Variants in PLCXD3 observed in about 807,000 individuals in gnomAD.
The protein encoded by PLCXD3 is PI-PLC X domain-containing protein 3.
PLCXD3 carries 19 observed loss-of-function variants against 25.5 expected under a neutral mutation model. That is an observed-to-expected ratio of 0.75 (90% CI 0.52 to 1.09). The LOEUF is 1.09. Ranked by LOEUF, PLCXD3 falls within the 50% of genes least tolerant of loss-of-function variation. PLCXD3 has a pLI of 0.00. For synonymous variants in PLCXD3, 174 were observed against 137.6 expected (o/e 1.26, Z -1.85); for missense variants, 411 against 388.1 (o/e 1.06, Z -0.50).
At chr5:41,499,206 G>A (rs1748900965) in intron 1 of PLCXD3, among the ~76,000 whole-genome samples, 1 of 151,268 alleles carries the variant, frequency 6.6e-6, no homozygotes, top group Non-Finnish European at 1.5e-5. Context: ...AGAAAAGGAA[G>A]TAGCAAAATT....
At chr5:41,381,476 A>G (rs1043786368) in intron 2 of PLCXD3, among the ~76,000 whole-genome samples, 1 of 152,086 alleles carries the variant, frequency 6.6e-6, no homozygotes, top group African/African-American at 2.4e-5. Flanking sequence ...GACACATGAG[A>G]AAATGGCATG....
intron 1 of PLCXD3, among the ~76,000 whole-genome samples, chr5:41,502,688 C>T (rs192676330): frequency 6.6e-6 from 1 of 151,976 alleles, no homozygotes; most frequent in Non-Finnish European, 1.5e-5. Context: ...TCACCCAAAC[C>T]GCGTAATTTC....
intron 1 of PLCXD3, among the ~76,000 whole-genome samples, chr5:41,495,050 A>G (rs370845045): frequency 7.5e-4 from 114 of 152,388 alleles, no homozygotes; most frequent in African/African-American, 2.4e-3. Flanking sequence ...TTCCTCTATG[A>G]TAAATCCTGC....
chr5:41,343,752 A>G lies in PLCXD3; in HGVS notation c.813-29982T>C, dbSNP rs146924806. On this transcript the variant is annotated intron_variant, in intron 2 of 2. Transcript: ENST00000377801. ...GAGGAGAATTCTGACATTTTTTCTGATCTTAATGAAAACGTGGTTTAATGT... is the reference window on the plus strand; with the variant it reads ...GAGGAGAATTCTGACATTTTTTCTGGTCTTAATGAAAACGTGGTTTAATGT... 9.2e-5 allele frequency among the ~76,000 whole-genome samples: 14 copies of G among 152,264 alleles called. No homozygotes were observed. In the East Asian group the frequency reaches 2.7e-3, roughly 29 times the overall value.
chr5:41,464,158 G>C (rs776868436), intron 1 of PLCXD3, among the ~76,000 whole-genome samples: 2 of 151,936 alleles, frequency 1.3e-5, no homozygotes, highest in Non-Finnish European at 2.9e-5. Context: ...AGTCTGCCCT[G>C]ACTGTTCATT....
chr5:41,484,395 A>C (rs1460420263), intron 1 of PLCXD3, among the ~76,000 whole-genome samples: 1 of 152,126 alleles, frequency 6.6e-6, no homozygotes, highest in Non-Finnish European at 1.5e-5. Context: ...ACTTTTTGCA[A>C]AGTGTTTATC....
In PLCXD3 at chr5:41,333,159, A is replaced by G. The variant is rs369788543; in HGVS notation, c.813-19389T>C. ...AACAAACAAACAAACAAAAACGTCA[A>G]TGGCTTGTGACTGCCCGTCCCAACC... On this transcript the variant is annotated intron_variant, in intron 2 of 2. Transcript: ENST00000377801. 3.3e-5 allele frequency among the ~76,000 whole-genome samples: 5 copies of G among 152,062 alleles called. No homozygotes were observed. The South Asian group carries it at 1.0e-3, about 32-fold the overall frequency.
intron 1 of PLCXD3, among the ~76,000 whole-genome samples, chr5:41,426,210 G>A (rs1415309997): frequency 6.6e-6 from 1 of 152,074 alleles, no homozygotes; most frequent in East Asian, 1.9e-4. Context: ...ATGATGTGGA[G>A]CATCTTTTCA....
chr5:41,479,288 A>T (rs543630538), intron 1 of PLCXD3, among the ~76,000 whole-genome samples: 2 of 152,336 alleles, frequency 1.3e-5, no homozygotes, highest in South Asian at 4.1e-4. Flanking sequence ...AATCAAATTT[A>T]TAGAGCCAGA....
intron 1 of PLCXD3, among the ~76,000 whole-genome samples, chr5:41,467,985 G>A (rs1748062684): frequency 6.9e-6 from 1 of 145,250 alleles, no homozygotes; most frequent in South Asian, 2.2e-4. Context: ...TTGAAATCAG[G>A]AGTGTGATAC....
intron 1 of PLCXD3, among the ~76,000 whole-genome samples, chr5:41,432,715 A>C (rs757986774): frequency 6.6e-6 from 1 of 152,216 alleles, no homozygotes; most frequent in East Asian, 1.9e-4. Flanking sequence ...AATAAATAGG[A>C]GCAAGAACAT....
rs1369052675 is a variant in PLCXD3, at chr5:41,504,598, A to G, written c.103+5826T>C. Among the ~76,000 whole-genome samples, 5 of 152,206 alleles carry G rather than the reference A, an allele frequency of 3.3e-5. No individual in the cohort carries two copies. The East Asian group carries it at 7.7e-4, about 23-fold the overall frequency. On this transcript the variant is annotated intron_variant, in intron 1 of 2. Transcript: ENST00000377801. ...CTCTTGTTAGACATTAACATGCTCA[A>G]TGTTGGGCCTCTGCAGACACAGAAT...
chr5:41,450,098 C>T (rs1307535781), intron 1 of PLCXD3, among the ~76,000 whole-genome samples: 1 of 152,060 alleles, frequency 6.6e-6, no homozygotes. Context: ...AAGCTCTATT[C>T]CTTGTTCTAT....
At position 41,336,730 on chromosome 5, in the gene PLCXD3, T is replaced by C. The variant is rs151308138; in HGVS notation, c.813-22960A>G. Among the ~76,000 whole-genome samples the C allele has an allele frequency of 2.6e-3, 395 of 152,264 alleles. 1 individual carries two copies. Among genetic ancestry groups the C allele is most frequent in the African/African-American group, 9.1e-3 (377 of 41,562 alleles). On this transcript the variant is annotated intron_variant, in intron 2 of 2. Coordinates refer to ENST00000377801, the MANE Select transcript of PLCXD3 (RefSeq NM_001005473.3). The stretch of plus-strand genomic sequence containing the variant: ...GGAATAACTTGCATGCAATGATTGA[T>C]GTCTGGGGAGGGGTGGGAGGAGAAA...
At chr5:41,368,748 G>A (rs370261619) in intron 2 of PLCXD3, among the ~76,000 whole-genome samples, 45 of 152,210 alleles carry the variant, frequency 3.0e-4, no homozygotes, top group African/African-American at 1.0e-3. Context: ...TATCATGAAG[G>A]GATGTTGAAT....
chr5:41,509,883 T>A (rs913434640), intron 1 of PLCXD3, among the ~76,000 whole-genome samples: 5 of 152,228 alleles, frequency 3.3e-5, no homozygotes, highest in African/African-American at 1.2e-4. Flanking sequence ...CTCTGGTCCC[T>A]GAACTTTCAT....
At chr5:41,397,740 G>A (rs938516160) in intron 1 of PLCXD3, among the ~76,000 whole-genome samples, 1 of 152,210 alleles carries the variant, frequency 6.6e-6, no homozygotes, top group Non-Finnish European at 1.5e-5. Flanking sequence ...GTACTCTGCA[G>A]AGTCACAGAT....
intron 1 of PLCXD3, among the ~76,000 whole-genome samples, chr5:41,453,376 G>A (rs527250642): frequency 3.4e-5 from 5 of 148,246 alleles, no homozygotes; most frequent in South Asian, 2.1e-4. Context: ...TTTAATGACC[G>A]CATGGCAATT....
chr5:41,382,474 G>C lies in PLCXD3; in HGVS notation c.164C>G (p.Pro55Arg), dbSNP rs762510347. 2.2e-5 allele frequency: 35 copies of C among 1,611,258 alleles called. No homozygotes were observed. The South Asian group carries it at 3.3e-4, about 15-fold the overall frequency. ...DEASPVGPEQ[P>R]ETVQNFVSVF... is the part of the protein sequence containing the mutation. ...AGAGACAAAATTCTGGACAGTTTCT[G>C]GCTGCTCAGGACCTACTGGAGAGGC... Residue 55 changes from proline (P) to arginine (R), a missense_variant, in exon 2 of 3, where the codon CCA (proline) becomes CGA (arginine). Transcript: ENST00000377801.
Sources: gnomAD v4.1 joint callset for allele counts (sites outside exome capture counted in the v4.1 genomes callset) on GRCh38, gnomAD v4.1.1 for gene constraint, MANE v1.5 for transcripts, NCBI Gene and HGNC (gene_info 2026-07-23, HGNC 2026-07-21) for gene names.